KCNC2: variants seen among roughly 807,000 people sequenced by gnomAD.
KCNC2 encodes the protein voltage-gated potassium channel KCNC2.
KCNC2 carries 21 observed loss-of-function variants against 44.5 expected under a neutral mutation model. The observed-to-expected ratio is 0.47, with a 90% CI of 0.33 to 0.68. The LOEUF is 0.68. Among genes scored for constraint, KCNC2 ranks in the 30% least tolerant of loss-of-function variants. KCNC2 has a pLI of 0.01. For missense variants in KCNC2, 589 were observed against 826.2 expected, an observed-to-expected ratio of 0.71 and a Z score of 3.52; for synonymous variants, 391 against 339.1, an observed-to-expected ratio of 1.15 and a Z score of -1.68.
intron 4 of KCNC2, among the ~76,000 whole-genome samples, chr12:75,046,933 G>A (rs1340660101): frequency 6.6e-6 from 1 of 151,686 alleles, no homozygotes; most frequent in African/African-American, 2.4e-5. Context: ...AGTACAACAT[G>A]GGCAATAAAA....
intron 2 of KCNC2, among the ~76,000 whole-genome samples, chr12:75,079,812 C>T (rs928126541): frequency 6.6e-6 from 1 of 152,112 alleles, no homozygotes; most frequent in African/African-American, 2.4e-5. Flanking sequence ...CTGAGACATA[C>T]ACTTTGGCAT....
intron 2 of KCNC2, among the ~76,000 whole-genome samples, chr12:75,148,116 A>G (rs1248710406): frequency 2.0e-5 from 3 of 152,112 alleles, no homozygotes; most frequent in African/African-American, 7.2e-5. Context: ...CCTACAATGT[A>G]TACATATATC....
chr12:75,041,634 G>A lies in KCNC2; in HGVS notation c.*1471C>T. 3 of 1,012,324 alleles carry A rather than the reference G, an allele frequency of 3.0e-6. No individual in the cohort carries two copies. The highest frequency in any genetic ancestry group is 9.2e-5 in the East Asian group (1 of 10,886). The allele number at this position is 1,012,324 out of a possible 1,614,324, so 62.7% of individuals were successfully genotyped here. ...GCATAAATAGACTTTCTTCCACTCA[G>A]ACTGAATATGACTCCCTAAGGATTT... On this transcript the variant is annotated 3_prime_UTR_variant, in exon 5 of 5. Coordinates refer to ENST00000549446, the MANE Select transcript of KCNC2 (RefSeq NM_139137.4).
chr12:75,100,058 C>T (rs1373685468), intron 2 of KCNC2, among the ~76,000 whole-genome samples: 1 of 152,118 alleles, frequency 6.6e-6, no homozygotes, highest in East Asian at 1.9e-4. Context: ...GGGGCTTTTA[C>T]TCCTCTTTCT....
chr12:75,141,904 T>G (rs925578177), intron 2 of KCNC2, among the ~76,000 whole-genome samples: 1 of 152,166 alleles, frequency 6.6e-6, no homozygotes, highest in South Asian at 2.1e-4. Context: ...AAGCAAATTA[T>G]GTGTTATTTC....
intron 2 of KCNC2, among the ~76,000 whole-genome samples, chr12:75,192,272 G>A (rs1039792454): frequency 3.3e-5 from 5 of 152,304 alleles, no homozygotes; most frequent in African/African-American, 9.6e-5. Flanking sequence ...CTAGGACACG[G>A]CATCCTTCCA....
At chr12:75,049,901 C>G (rs1052114362) in intron 3 of KCNC2, among the ~76,000 whole-genome samples, 1 of 151,992 alleles carries the variant, frequency 6.6e-6, no homozygotes, top group Non-Finnish European at 1.5e-5. Flanking sequence ...GGAGTTTAGG[C>G]CTTTGAAATG....
intron 2 of KCNC2, among the ~76,000 whole-genome samples, chr12:75,201,357 T>C (rs1327398030): frequency 1.4e-5 from 2 of 143,764 alleles, no homozygotes; most frequent in Non-Finnish European, 3.0e-5. Context: ...TGAATGGGCA[T>C]GAACATGTCG....
chr12:75,067,854 T>C (rs576625019), intron 2 of KCNC2, among the ~76,000 whole-genome samples: 1 of 152,232 alleles, frequency 6.6e-6, no homozygotes, highest in Admixed American at 6.5e-5. Context: ...CCCCCACTCC[T>C]TACAGACTAT....
intron 2 of KCNC2, among the ~76,000 whole-genome samples, chr12:75,166,509 ACATT>A (rs1456851377): frequency 1.3e-5 from 2 of 151,238 alleles, no homozygotes; most frequent in Admixed American, 1.3e-4. Context: ...AGCAGAATAC[ACATT>A]TGTGTCAAAT....
intron 2 of KCNC2, among the ~76,000 whole-genome samples, chr12:75,078,901 C>T (rs942180879): frequency 6.6e-6 from 1 of 152,114 alleles, no homozygotes; most frequent in Non-Finnish European, 1.5e-5. Context: ...CTCAAGAATA[C>T]TTTAATTACG....
chr12:75,168,924 C>G (rs1891633903), intron 2 of KCNC2, among the ~76,000 whole-genome samples: 1 of 151,460 alleles, frequency 6.6e-6, no homozygotes, highest in South Asian at 2.1e-4. Flanking sequence ...ATTATTTACA[C>G]AATTTTGCTC....
intron 2 of KCNC2, among the ~76,000 whole-genome samples, chr12:75,136,555 C>A (rs903566391): frequency 4.6e-5 from 7 of 151,904 alleles, no homozygotes; most frequent in African/African-American, 1.7e-4. Flanking sequence ...CTACGCTCAC[C>A]AGCTAGAAAG....
chr12:75,156,606 G>T (rs1283567855), intron 2 of KCNC2, among the ~76,000 whole-genome samples: 3 of 151,616 alleles, frequency 2.0e-5, no homozygotes, highest in Admixed American at 1.3e-4. Context: ...TTCAACCTCG[G>T]TGTCCTTATT....
At chr12:75,074,956 C>T (rs6582276) in intron 2 of KCNC2, among the ~76,000 whole-genome samples, 135,062 of 152,202 alleles carry the variant, frequency 0.89, 59,974 homozygotes, top group Admixed American at 0.91. Flanking sequence ...TATAGAAGTA[C>T]GAAAGTTTTC....
chr12:75,100,688 G>A (rs1419267411), intron 2 of KCNC2, among the ~76,000 whole-genome samples: 1 of 151,940 alleles, frequency 6.6e-6, no homozygotes, highest in Non-Finnish European at 1.5e-5. Context: ...TTATTAGTGA[G>A]AACTTACTAG....
intron 2 of KCNC2, among the ~76,000 whole-genome samples, chr12:75,201,595 A>G (rs988896673): frequency 1.3e-5 from 2 of 151,838 alleles, no homozygotes; most frequent in African/African-American, 4.8e-5. Context: ...TTAGGTCTCA[A>G]TTCAGGCATT....
intron 2 of KCNC2, among the ~76,000 whole-genome samples, chr12:75,178,940 T>C (rs1407312482): frequency 1.3e-5 from 2 of 151,972 alleles, no homozygotes; most frequent in Non-Finnish European, 2.9e-5. Context: ...AACTACCCAG[T>C]AGATGACTGT....
chr12:75,117,741 CTCTT>C (rs1255006764), intron 2 of KCNC2, among the ~76,000 whole-genome samples: 1 of 152,006 alleles, frequency 6.6e-6, no homozygotes, highest in Non-Finnish European at 1.5e-5. Context: ...CATATACACA[CTCTT>C]TAACATTTAT....
Sources: allele counts gnomAD v4.1 joint callset (sites outside exome capture counted in the v4.1 genomes callset), GRCh38; gene constraint gnomAD v4.1.1; transcripts MANE v1.5; gene names NCBI Gene and HGNC (gene_info 2026-07-23, HGNC 2026-07-21).